Variants in BAHCC1 observed in about 807,000 individuals in gnomAD.
BAHCC1 encodes BAH and coiled-coil domain-containing protein 1.
In BAHCC1, 43 loss-of-function variants were observed where a neutral mutation model predicts 88.2. That is an observed-to-expected ratio of 0.49 (90% CI 0.38 to 0.63). The LOEUF (loss-of-function observed/expected upper bound fraction) is 0.63, where lower values mean the gene tolerates loss of function less well. Among genes scored for constraint, BAHCC1 ranks in the 20% least tolerant of loss-of-function variants. BAHCC1 has a pLI of 0.00. For synonymous variants in BAHCC1, 1,510 were observed against 745.5 expected (o/e 2.03, Z -16.71); for missense variants, 3,023 against 1,654.8 (o/e 1.83, Z -14.34).
chr17:81,447,752 C>G lies in BAHCC1; in HGVS notation c.3880C>G (p.Pro1294Ala). The change falls in exon 11 of 28, where the codon CCC becomes GCC. Residue 1294 changes from proline (P) to alanine (A), a missense_variant. Pro to Ala is a conservative substitution (Grantham distance 27, BLOSUM62 -1). Transcript: ENST00000675386. ...GGCCTCTGGGCCCCCCAGCACAGTC[C>G]CCCTGCCTCATAGCTCAGGGATTCA... ...PAASGPPSTVPLPHSSGIHGI... is the reference protein window; with the variant it reads ...PAASGPPSTVALPHSSGIHGI... 1.4e-6 allele frequency: 1 copy of G among 739,996 alleles called. No individual in the cohort carries two copies. Among genetic ancestry groups the G allele is most frequent in the Non-Finnish European group, 2.5e-6 (1 of 398,114 alleles). The allele number at this position is 739,996 out of a possible 1,614,324, so 45.8% of individuals were successfully genotyped here.
intron 14 of BAHCC1, 60 bp downstream of exon 14, chr17:81,452,911 G>A (rs2064670828): frequency 1.5e-6 from 1 of 658,004 alleles, no homozygotes. Context: ...CCTCGAGGCT[G>A]GGGAGCAGGG....
At chr17:81,400,351 C>T (rs1247507078) in intron 2 of BAHCC1, among the ~76,000 whole-genome samples, 2 of 152,130 alleles carry the variant, frequency 1.3e-5, no homozygotes, top group Admixed American at 6.5e-5. Flanking sequence ...GGGTACGCCG[C>T]GGCCTCGCGG....
Position 81,445,346 on chromosome 17 carries a change from C to T in BAHCC1, c.2836-8C>T, listed in dbSNP as rs369210899. 1.3e-5 allele frequency: 10 copies of T among 770,856 alleles called. No homozygotes were observed. In the African/African-American group the frequency reaches 1.7e-4, roughly 13 times the overall value. The allele number at this position is 770,856 out of a possible 1,614,324, so 47.8% of individuals were successfully genotyped here. On this transcript the variant is annotated splice_region_variant and splice_polypyrimidine_tract_variant and intron_variant, in intron 9 of 27. Transcript: ENST00000675386. ...GAGCCTGACCGAGCTTGCCCCCATC[C>T]CTGACAGCGGAAGCCCGAAGACCAG...
chr17:81,446,079 G>A lies in BAHCC1; in HGVS notation c.3163+398G>A, dbSNP rs148628565. On this transcript the variant is annotated intron_variant, in intron 10 of 27. Coordinates refer to ENST00000675386, the MANE Select transcript of BAHCC1 (RefSeq NM_001377448.1). The stretch of plus-strand genomic sequence containing the variant: ...CTGGGAGAGGGAGGGGCAGCGAGGC[G>A]GGGTGCCTGGGTGGGGGGGTCTCGG... Among the ~76,000 whole-genome samples, 333 of 152,186 alleles carry A rather than the reference G, an allele frequency of 2.2e-3. 3 individuals are homozygous for A. The highest frequency in any genetic ancestry group is 7.6e-3 in the African/African-American group (315 of 41,524).
chr17:81,434,515 TGC>T lies in BAHCC1; in HGVS notation c.359-3854_359-3853del, dbSNP rs1156812471. Among the ~76,000 whole-genome samples, 1 of 152,052 alleles carries T rather than the reference TGC, an allele frequency of 6.6e-6. No homozygotes were observed. The highest frequency in any genetic ancestry group is 1.5e-5 in the Non-Finnish European group (1 of 67,982). Reference sequence around the variant, plus strand: ...GTGTGCTTCAGCACCCCCAGAAGTTTGCTGAGCCTGCAGCATCCTGGCCCTGA... The same window carrying T: ...GTGTGCTTCAGCACCCCCAGAAGTTTTGAGCCTGCAGCATCCTGGCCCTGA... On this transcript the variant is annotated intron_variant, in intron 3 of 27. Transcript: ENST00000675386. This position sits in a 1 kb window ranked among gnomAD's most constrained non-coding sequence, Gnocchi z 4.9.
rs1555653060 is a variant in BAHCC1, at chr17:81,442,916, T to A, written c.1567T>A (p.Leu523Ile). 2 of 779,106 alleles carry A rather than the reference T, an allele frequency of 2.6e-6. No homozygotes were observed. Among genetic ancestry groups the A allele is most frequent in the Non-Finnish European group, 4.8e-6 (2 of 417,808 alleles). 48.3% of individuals were successfully genotyped at this position (779,106 alleles called of 1,614,324 possible). ...GAAGGCCCCCCAGGCCTGCTGCACT[T>A]TAGATAAGACTGTTGGCAAGGAAGC... is the stretch of plus-strand genomic sequence containing the variant. ...GGKAPQACCT[L>I]DKTVGKEAPA... Residue 523 changes from leucine (L) to isoleucine (I), a missense_variant, in exon 5 of 28, where the codon TTA becomes ATA. By Grantham distance (5) the Leu-to-Ile change is conservative. Transcript: ENST00000675386.
intron 4 of BAHCC1, 140 bp from the exon 5 acceptor site, chr17:81,441,691 G>T: frequency 2.3e-5 from 7 of 305,048 alleles, no homozygotes; most frequent in Non-Finnish European, 2.9e-5. Context: ...AAAAAAAAAA[G>T]AGCAAAAACC....
In BAHCC1 at chr17:81,395,521, G is replaced by A. The variant is rs1025626935; in HGVS notation, c.-321G>A. 2.0e-5 allele frequency: 3 copies of A among 152,226 alleles called. No homozygotes were observed. Among genetic ancestry groups the A allele is most frequent in the African/African-American group, 2.4e-5 (1 of 41,464 alleles). The allele number at this position is 152,226 out of a possible 1,614,324, so 9.4% of individuals were successfully genotyped here. On this transcript the variant is annotated 5_prime_UTR_variant, in exon 1 of 28. In the 5' UTR this introduces an upstream ATG that the reference lacks. Transcript: ENST00000675386. ...CGCTAGAGTCGTTGTTGTGGAAGCGGTGCATTTACAGTGCAACAGTCAGCA... is the reference window on the plus strand; with the variant it reads ...CGCTAGAGTCGTTGTTGTGGAAGCGATGCATTTACAGTGCAACAGTCAGCA...
chr17:81,458,420 T>C lies in BAHCC1; in HGVS notation c.5297T>C (p.Leu1766Pro), dbSNP rs1285597170. 1.1e-5 allele frequency: 8 copies of C among 742,804 alleles called. No individual in the cohort carries two copies. Among genetic ancestry groups the C allele is most frequent in the Admixed American group, 3.6e-5 (2 of 55,064 alleles). The allele number at this position is 742,804 out of a possible 1,614,324, so 46.0% of individuals were successfully genotyped here. ...GGCAGCCAGCTGGCCAGTGAGCGCC[T>C]CAAGAGGGCCACGCGCAAGGGCACA... ...EEGSQLASER[L>P]KRATRKGTVL... The change falls in exon 18 of 28, where the codon CTC becomes CCC. Residue 1766 changes from leucine to proline, a missense_variant. Transcript: ENST00000675386.
At chr17:81,400,898 G>A (rs1555645939) in intron 2 of BAHCC1, 1 of 153,838 alleles carries the variant, frequency 6.5e-6, no homozygotes, top group African/African-American at 2.4e-5. Context: ...AGGCGGCGCG[G>A]GTAGATTCGG....
At position 81,460,767 on chromosome 17, in the gene BAHCC1, A is replaced by T. The variant is rs1194357663; in HGVS notation, c.6202+61A>T. On this transcript the variant is annotated intron_variant, in intron 25 of 27. Coordinates refer to ENST00000675386, the MANE Select transcript of BAHCC1 (RefSeq NM_001377448.1). Reference sequence around the variant, plus strand: ...AAGGCACCCTCTGGGGGCTGGGGGAACCAGGAGGCCCGTGGGGTAGGCAGG... The same window carrying T: ...AAGGCACCCTCTGGGGGCTGGGGGATCCAGGAGGCCCGTGGGGTAGGCAGG... 3 of 775,702 alleles carry T rather than the reference A, an allele frequency of 3.9e-6. 1 individual carries two copies. Among genetic ancestry groups the T allele is most frequent in the Non-Finnish European group, 2.4e-6 (1 of 417,516 alleles). The allele number at this position is 775,702 out of a possible 1,614,324, so 48.1% of individuals were successfully genotyped here.
At chr17:81,406,919 G>A (rs1016646903) in intron 2 of BAHCC1, 7 of 456,218 alleles carry the variant, frequency 1.5e-5, no homozygotes, top group South Asian at 1.5e-5. Context: ...TTAGGTTCCC[G>A]ATCGGATCAG....
chr17:81,406,790 C>T (rs2143226670), intron 2 of BAHCC1: 2 of 430,564 alleles, frequency 4.6e-6, no homozygotes, highest in South Asian at 3.2e-5. Context: ...GCAGGCGGCG[C>T]CCAGGTCCTG....
intron 11 of BAHCC1, among the ~76,000 whole-genome samples, chr17:81,449,372 C>G (rs1005521025): frequency 6.6e-6 from 1 of 151,976 alleles, no homozygotes; most frequent in South Asian, 2.1e-4. Context: ...ACAAGTGTAG[C>G]GATCACTTCA....
intron 3 of BAHCC1, among the ~76,000 whole-genome samples, chr17:81,432,306 G>A (rs1348223059): frequency 6.6e-6 from 1 of 152,098 alleles, no homozygotes; most frequent in African/African-American, 2.4e-5. Flanking sequence ...GCTGGCTGGT[G>A]TCATGCCTGT....
intron 14 of BAHCC1, among the ~76,000 whole-genome samples, chr17:81,454,777 G>A (rs1221555103): frequency 6.6e-6 from 1 of 152,116 alleles, no homozygotes; most frequent in Non-Finnish European, 1.5e-5. Flanking sequence ...CTTGTTCCAG[G>A]TGCCAAGGCT....
In BAHCC1 at chr17:81,444,997, C is replaced by T; in HGVS notation, c.2672-18C>T. The stretch of plus-strand genomic sequence containing the variant: ...CCCCTCCCCAGCCAGGCTGACCCCT[C>T]CTGGGCCCTGCCCACAGCGGATGTC... On this transcript the variant is annotated intron_variant, in intron 8 of 27. Transcript: ENST00000675386. 1 of 745,870 alleles carries T rather than the reference C, an allele frequency of 1.3e-6. No individual in the cohort carries two copies. Among genetic ancestry groups the T allele is most frequent in the Middle Eastern group, 2.4e-4 (1 of 4,166 alleles). The allele number at this position is 745,870 out of a possible 1,614,324, so 46.2% of individuals were successfully genotyped here. A position where few individuals can be genotyped will look rare whatever the true frequency, so the allele number is the denominator to read the frequency against.
chr17:81,399,284 GT>G lies in BAHCC1; in HGVS notation c.-206-248del. The G allele has an allele frequency of 2.9e-6, 1 of 341,508 alleles. No individual in the cohort carries two copies. The highest frequency in any genetic ancestry group is 6.0e-6 in the Non-Finnish European group (1 of 167,638). The allele number at this position is 341,508 out of a possible 1,614,324, so 21.2% of individuals were successfully genotyped here. A position where few individuals can be genotyped will look rare whatever the true frequency, so the allele number is the denominator to read the frequency against. Reference sequence around the variant, plus strand: ...GGGAGGCGGCGAGCAGTGCGGCTGGGTTCCCCCGGCTGCCCCGGGCCAAGCG... The same window carrying G: ...GGGAGGCGGCGAGCAGTGCGGCTGGGTCCCCCGGCTGCCCCGGGCCAAGCG... On this transcript the variant is annotated intron_variant, in intron 1 of 27. Coordinates refer to ENST00000675386, the MANE Select transcript of BAHCC1 (RefSeq NM_001377448.1). The surrounding 1 kb of genome is among the most constrained non-coding windows in gnomAD (Gnocchi z 4.5).
chr17:81,454,279 G>A (rs2064702603), intron 14 of BAHCC1, among the ~76,000 whole-genome samples: 1 of 152,208 alleles, frequency 6.6e-6, no homozygotes, highest in Non-Finnish European at 1.5e-5. Flanking sequence ...TGGGGCATCT[G>A]GAGGTAGCTG....
Sources: gnomAD v4.1 joint callset for allele counts (sites outside exome capture counted in the v4.1 genomes callset) on GRCh38, gnomAD v4.1.1 for gene constraint, Gnocchi (gnomAD v3.1) non-coding constraint, MANE v1.5 for transcripts, NCBI Gene and HGNC (gene_info 2026-07-23, HGNC 2026-07-21) for gene names.